The following EPM2A variants were observed in gnomAD, a reference collection of about 807,000 sequenced individuals.
EPM2A encodes laforin.
A neutral mutation model predicts 26.5 loss-of-function variants in EPM2A; 21 were observed. The ratio of observed to expected loss-of-function variants is 0.79; its 90% CI spans 0.56 to 1.14. The LOEUF is 1.14. Among genes scored for constraint, EPM2A ranks in the 50% most tolerant of loss-of-function variants. The pLI is 0.00. For missense variants in EPM2A, 458 were observed against 440.8 expected, an observed-to-expected ratio of 1.04 and a Z score of -0.35; for synonymous variants, 217 against 177.6, an observed-to-expected ratio of 1.22 and a Z score of -1.76.
intron 4 of EPM2A, among the ~76,000 whole-genome samples, chr6:145,414,517 G>A (rs77613584): frequency 0.054 from 8,164 of 151,888 alleles, 237 homozygotes; most frequent in Non-Finnish European, 0.064. Flanking sequence ...ATTTTTCCCC[G>A]TCTTTATTTT....
intron 4 of EPM2A, among the ~76,000 whole-genome samples, chr6:145,494,061 C>T (rs904531512): frequency 2.6e-5 from 4 of 152,118 alleles, no homozygotes; most frequent in African/African-American, 9.7e-5. Context: ...AGGGATGGTT[C>T]CAGCTATTCT....
At chr6:145,645,362 A>G (rs1777383044) in intron 2 of EPM2A, among the ~76,000 whole-genome samples, 1 of 152,152 alleles carries the variant, frequency 6.6e-6, no homozygotes, top group Admixed American at 6.5e-5. Flanking sequence ...GCTGGAGTAC[A>G]GTGGCACAAT....
At chr6:145,697,252 A>G (rs1781649119) in intron 1 of EPM2A, among the ~76,000 whole-genome samples, 2 of 152,110 alleles carry the variant, frequency 1.3e-5, no homozygotes, top group African/African-American at 4.8e-5. Context: ...ATGCCCCCGG[A>G]GCCGTAAAAC....
At chr6:145,555,104 C>T (rs1461645373) in intron 2 of EPM2A, among the ~76,000 whole-genome samples, 2 of 152,106 alleles carry the variant, frequency 1.3e-5, no homozygotes, top group African/African-American at 4.8e-5. Context: ...CTCAGTTCTT[C>T]ATCAGTAAAT....
chr6:145,689,751 T>C (rs946771035), intron 1 of EPM2A, among the ~76,000 whole-genome samples: 10 of 152,192 alleles, frequency 6.6e-5, no homozygotes, highest in Admixed American at 5.2e-4. Context: ...CTTCCACTTT[T>C]GTTTGCCAAG....
At chr6:145,534,104 G>T (rs2114786816) in intron 2 of EPM2A, among the ~76,000 whole-genome samples, 1 of 152,202 alleles carries the variant, frequency 6.6e-6, no homozygotes, top group East Asian at 1.9e-4. Context: ...ATATAATTGA[G>T]AATCTGCTGT....
intron 1 of EPM2A, among the ~76,000 whole-genome samples, chr6:145,730,844 C>G (rs1319395487): frequency 2.0e-5 from 3 of 152,066 alleles, no homozygotes; most frequent in Non-Finnish European, 4.4e-5. Context: ...AGAAAAGCAA[C>G]ATGAAAGAGG....
intron 4 of EPM2A, among the ~76,000 whole-genome samples, chr6:145,448,161 T>C (rs756622392): frequency 1.3e-5 from 2 of 152,174 alleles, no homozygotes; most frequent in Non-Finnish European, 2.9e-5. Flanking sequence ...AATACACTAT[T>C]GTGATTATTT....
At chr6:145,408,298 C>A (rs186412384) in intron 4 of EPM2A, among the ~76,000 whole-genome samples, 11 of 152,280 alleles carry the variant, frequency 7.2e-5, no homozygotes, top group Admixed American at 7.2e-4. Context: ...AACAGCTGTA[C>A]TACCCAGCAC....
In EPM2A at chr6:145,445,370, A is replaced by G. The variant is rs1779116948; in HGVS notation, c.555+57152T>C. Among the ~76,000 whole-genome samples, 4 of 152,228 alleles carry G rather than the reference A, an allele frequency of 2.6e-5. 1 individual carries two copies. The South Asian group carries it at 8.3e-4, about 32-fold the overall frequency. On this transcript the variant is annotated intron_variant, in intron 4 of 4. Transcript: ENST00000638717. The stretch of plus-strand genomic sequence containing the variant: ...TTCCATCCAGGTGAAATAAAGACAG[A>G]CATTTGAGCTTGTCTTCCAGGTAGT...
chr6:145,653,467 C>T (rs1778039560), intron 2 of EPM2A, among the ~76,000 whole-genome samples: 1 of 152,248 alleles, frequency 6.6e-6, no homozygotes, highest in African/African-American at 2.4e-5. Flanking sequence ...ATAAATTAGC[C>T]AGTCTCAGGG....
intron 3 of EPM2A, chr6:145,631,242 T>C (rs781270144): frequency 6.6e-6 from 1 of 152,098 alleles, no homozygotes; most frequent in Non-Finnish European, 1.5e-5. Flanking sequence ...GGAAGGTTCA[T>C]CTTGATGTAC....
chr6:145,388,635 G>C (rs1263183099), intron 4 of EPM2A, among the ~76,000 whole-genome samples: 1 of 152,024 alleles, frequency 6.6e-6, no homozygotes, highest in Non-Finnish European at 1.5e-5. Context: ...ATCTACATTA[G>C]GTATTTCTCC....
chr6:145,690,701 A>G (rs541605735), intron 1 of EPM2A, among the ~76,000 whole-genome samples: 3 of 152,160 alleles, frequency 2.0e-5, no homozygotes, highest in Admixed American at 2.0e-4. Flanking sequence ...ATTATGTGAT[A>G]ATTATGTGAT....
At chr6:145,574,207 C>G (rs1278434812) in intron 2 of EPM2A, among the ~76,000 whole-genome samples, 1 of 152,104 alleles carries the variant, frequency 6.6e-6, no homozygotes, top group Non-Finnish European at 1.5e-5. Flanking sequence ...CTCTTGTCCA[C>G]TCGACCTATA....
At chr6:145,607,051 T>C (rs1562400586) in intron 2 of EPM2A, among the ~76,000 whole-genome samples, 1 of 152,144 alleles carries the variant, frequency 6.6e-6, no homozygotes, top group Non-Finnish European at 1.5e-5. Flanking sequence ...CAATCAAGTA[T>C]TTTCTTGACT....
At chr6:145,618,535 T>C (rs1044807014) in intron 2 of EPM2A, among the ~76,000 whole-genome samples, 1 of 152,214 alleles carries the variant, frequency 6.6e-6, no homozygotes, top group Non-Finnish European at 1.5e-5. Flanking sequence ...CCTCATGTTG[T>C]TCTCATGATA....
At chr6:145,715,556 C>G (rs966962102) in intron 1 of EPM2A, among the ~76,000 whole-genome samples, 1 of 152,160 alleles carries the variant, frequency 6.6e-6, no homozygotes, top group Non-Finnish European at 1.5e-5. Flanking sequence ...AACTTCCTCC[C>G]TTAGGAATCA....
At chr6:145,475,009 A>G (rs1779523614) in intron 4 of EPM2A, among the ~76,000 whole-genome samples, 1 of 152,226 alleles carries the variant, frequency 6.6e-6, no homozygotes, top group South Asian at 2.1e-4. Flanking sequence ...GAATGCTTTT[A>G]CACAGTTCAT....
Sources: gnomAD v4.1 joint callset for allele counts (sites outside exome capture counted in the v4.1 genomes callset) on GRCh38, gnomAD v4.1.1 for gene constraint, MANE v1.5 for transcripts, NCBI Gene and HGNC (gene_info 2026-07-23, HGNC 2026-07-21) for gene names.